The following AGBL4 variants were observed in gnomAD, a reference collection of about 807,000 sequenced individuals.
AGBL4 encodes AGBL carboxypeptidase 4, also known as cytosolic carboxypeptidase 6.
In AGBL4, 58 loss-of-function variants were observed where a neutral mutation model predicts 66.4. The ratio of observed to expected loss-of-function variants is 0.87; its 90% CI spans 0.71 to 1.09. AGBL4 has a LOEUF of 1.09. Among genes scored for constraint, AGBL4 ranks in the 50% least tolerant of loss-of-function variants. The pLI is 0.00. For synonymous variants in AGBL4, 234 were observed against 222.9 expected (o/e 1.05, Z -0.44); for missense variants, 579 against 631.0 (o/e 0.92, Z 0.88).
chr1:49,554,828 G>A lies in AGBL4; in HGVS notation c.282+142485C>T, dbSNP rs146871725. On this transcript the variant is annotated intron_variant, in intron 3 of 13. Transcript: ENST00000371839. ...TGATCTCACTGACTTCAGGAGTGAA[G>A]CTGCAGACCTTCGGGTGAGTGTTAC... Among the ~76,000 whole-genome samples the A allele has an allele frequency of 3.5e-4, 54 of 152,286 alleles. 1 individual carries two copies. The East Asian group carries it at 0.01, about 29-fold the overall frequency.
chr1:48,818,659 G>A (rs750173370), intron 6 of AGBL4, among the ~76,000 whole-genome samples: 142 of 151,938 alleles, frequency 9.3e-4, no homozygotes, highest in Admixed American at 1.5e-3. Context: ...AAAAACAATG[G>A]TTATGAACAA....
chr1:49,800,144 T>C (rs914061356), intron 2 of AGBL4, among the ~76,000 whole-genome samples: 1 of 152,188 alleles, frequency 6.6e-6, no homozygotes, highest in Admixed American at 6.5e-5. Flanking sequence ...TCTTGGTGTT[T>C]ACACCTTTAT....
chr1:49,176,016 A>G (rs1182825658), intron 4 of AGBL4, among the ~76,000 whole-genome samples: 1 of 152,156 alleles, frequency 6.6e-6, no homozygotes, highest in Non-Finnish European at 1.5e-5. Flanking sequence ...TATACAATAC[A>G]CAATCACTCT....
At chr1:49,153,233 G>A (rs1646371904) in intron 4 of AGBL4, among the ~76,000 whole-genome samples, 1 of 152,130 alleles carries the variant, frequency 6.6e-6, no homozygotes. Context: ...GATCTCCCAT[G>A]TGGATAAGGA....
chr1:49,721,581 T>G (rs972658003), intron 2 of AGBL4, among the ~76,000 whole-genome samples: 3 of 152,074 alleles, frequency 2.0e-5, no homozygotes, highest in Admixed American at 2.0e-4. Flanking sequence ...GGCTTTTAAG[T>G]GAAAGAGTGA....
intron 3 of AGBL4, among the ~76,000 whole-genome samples, chr1:49,612,894 G>T (rs1645179984): frequency 6.6e-6 from 1 of 152,158 alleles, no homozygotes; most frequent in Non-Finnish European, 1.5e-5. Flanking sequence ...TAGACCCAAA[G>T]GAAAATGAAT....
chr1:49,918,796 A>G (rs1374734027), intron 1 of AGBL4, among the ~76,000 whole-genome samples: 2 of 152,156 alleles, frequency 1.3e-5, no homozygotes, highest in African/African-American at 4.8e-5. Flanking sequence ...AGAATTATAG[A>G]CCAATATCCT....
At chr1:49,916,384 C>A (rs1314611597) in intron 1 of AGBL4, among the ~76,000 whole-genome samples, 1 of 152,036 alleles carries the variant, frequency 6.6e-6, no homozygotes, top group South Asian at 2.1e-4. Flanking sequence ...TAGAGAAGTC[C>A]TTAAATGATC....
chr1:48,567,273 C>T (rs1268193027), intron 11 of AGBL4, among the ~76,000 whole-genome samples: 2 of 152,204 alleles, frequency 1.3e-5, no homozygotes, highest in Non-Finnish European at 2.9e-5. Context: ...GGTCCATCAC[C>T]TCCAGGAAGT....
At chr1:49,156,088 A>C (rs1480298552) in intron 4 of AGBL4, among the ~76,000 whole-genome samples, 1 of 152,158 alleles carries the variant, frequency 6.6e-6, no homozygotes, top group African/African-American at 2.4e-5. Flanking sequence ...CTACCACTGC[A>C]GCTACAATAA....
At chr1:49,994,994 G>A (rs1660255941) in intron 1 of AGBL4, 2 of 387,338 alleles carry the variant, frequency 5.2e-6, no homozygotes, top group Non-Finnish European at 1.0e-5. Flanking sequence ...GGCACTCTTG[G>A]TCCCCAGGGA....
chr1:49,682,789 G>A (rs1453561656), intron 3 of AGBL4, among the ~76,000 whole-genome samples: 1 of 152,018 alleles, frequency 6.6e-6, no homozygotes, highest in Non-Finnish European at 1.5e-5. Context: ...TTTTTCACTG[G>A]GCTTCGCAAA....
At chr1:48,704,431 A>AT (rs1646850324) in intron 6 of AGBL4, among the ~76,000 whole-genome samples, 1 of 152,214 alleles carries the variant, frequency 6.6e-6, no homozygotes, top group Admixed American at 6.5e-5. Flanking sequence ...TACTTTATAA[A>AT]CTTTTAATTT....
intron 3 of AGBL4, among the ~76,000 whole-genome samples, chr1:49,613,646 T>C (rs967687725): frequency 3.3e-5 from 5 of 152,164 alleles, no homozygotes; most frequent in Admixed American, 6.5e-5. Flanking sequence ...ATCTACTGCC[T>C]GATGATCTGT....
At chr1:48,676,653 G>T (rs72902803) in intron 6 of AGBL4, among the ~76,000 whole-genome samples, 13,022 of 152,170 alleles carry the variant, frequency 0.086, 1,385 homozygotes, top group African/African-American at 0.25. Context: ...CTCATCTTGG[G>T]CCCTCCCTGG....
At chr1:49,865,475 G>A (rs1286730497) in intron 1 of AGBL4, among the ~76,000 whole-genome samples, 1 of 152,108 alleles carries the variant, frequency 6.6e-6, no homozygotes, top group African/African-American at 2.4e-5. Context: ...ATAGAGTCTG[G>A]AGCAGACCCT....
chr1:49,875,041 G>A (rs1479006461), intron 1 of AGBL4, among the ~76,000 whole-genome samples: 1 of 140,116 alleles, frequency 7.1e-6, no homozygotes, highest in African/African-American at 2.7e-5. Flanking sequence ...TATTCTCATT[G>A]TTCAATTTCC....
intron 3 of AGBL4, among the ~76,000 whole-genome samples, chr1:49,554,197 G>T (rs902593869): frequency 6.6e-6 from 1 of 151,996 alleles, no homozygotes; most frequent in Non-Finnish European, 1.5e-5. Flanking sequence ...AATCCAGAAG[G>T]TCCAAACTAC....
chr1:49,134,991 C>T (rs1044434623), intron 4 of AGBL4, among the ~76,000 whole-genome samples: 14 of 151,652 alleles, frequency 9.2e-5, no homozygotes, highest in South Asian at 4.2e-4. Flanking sequence ...TATGAAGGTA[C>T]GTATACATAT....
Sources: allele counts gnomAD v4.1 joint callset (sites outside exome capture counted in the v4.1 genomes callset), GRCh38; gene constraint gnomAD v4.1.1; transcripts MANE v1.5; gene names NCBI Gene and HGNC (gene_info 2026-07-23, HGNC 2026-07-21).